The following ELMO1 variants were observed in gnomAD, a reference collection of about 807,000 sequenced individuals.
The protein encoded by ELMO1 is engulfment and cell motility 1.
In ELMO1, 26 loss-of-function variants were observed where a neutral mutation model predicts 98.9. The observed-to-expected ratio is 0.26, with a 90% CI of 0.19 to 0.36. The LOEUF is 0.36. Among genes scored for constraint, ELMO1 ranks in the 10% least tolerant of loss-of-function variants. ELMO1 has a pLI of 1.00. For missense variants in ELMO1, 627 were observed against 935.2 expected, an observed-to-expected ratio of 0.67 and a Z score of 4.30; for synonymous variants, 346 against 346.0, an observed-to-expected ratio of 1.00 and a Z score of 0.00.
chr7:37,024,680 A>C (rs886197729), intron 15 of ELMO1, among the ~76,000 whole-genome samples: 1 of 152,242 alleles, frequency 6.6e-6, no homozygotes, highest in Non-Finnish European at 1.5e-5. Context: ...ACAAAAACTC[A>C]TATCTTGTAG....
At chr7:37,062,218 A>T (rs546037719) in intron 15 of ELMO1, among the ~76,000 whole-genome samples, 1 of 152,380 alleles carries the variant, frequency 6.6e-6, no homozygotes, top group Admixed American at 6.5e-5. Flanking sequence ...GTGTATATAG[A>T]TATCTAACCT....
chr7:37,004,074 T>A (rs1466277098), intron 16 of ELMO1, among the ~76,000 whole-genome samples: 1 of 152,134 alleles, frequency 6.6e-6, no homozygotes, highest in Non-Finnish European at 1.5e-5. Context: ...ATATTTTTTT[T>A]AAATCAATGA....
chr7:37,181,380 CCT>C (rs1304794834), intron 13 of ELMO1, among the ~76,000 whole-genome samples: 1 of 151,786 alleles, frequency 6.6e-6, no homozygotes, highest in African/African-American at 2.4e-5. Context: ...CCACACCTGC[CCT>C]CTCTGTGGGC....
intron 13 of ELMO1, among the ~76,000 whole-genome samples, chr7:37,151,554 C>T (rs1788361773): frequency 6.6e-6 from 1 of 152,074 alleles, no homozygotes; most frequent in African/African-American, 2.4e-5. Context: ...ACTATCTGGC[C>T]ATTTTTGACG....
At chr7:37,170,632 CAG>C (rs1199059163) in intron 13 of ELMO1, among the ~76,000 whole-genome samples, 7 of 96,028 alleles carry the variant, frequency 7.3e-5, no homozygotes, top group African/African-American at 2.5e-4. Flanking sequence ...TTTTTTTTGT[CAG>C]AGTCTCACTC....
At chr7:37,444,423 C>T (rs1193628498) in intron 1 of ELMO1, among the ~76,000 whole-genome samples, 1 of 152,196 alleles carries the variant, frequency 6.6e-6, no homozygotes, top group African/African-American at 2.4e-5. Flanking sequence ...TGCCTTTCTG[C>T]ATCACTAAAG....
At chr7:37,096,207 T>A (rs921123314) in intron 15 of ELMO1, among the ~76,000 whole-genome samples, 2 of 152,190 alleles carry the variant, frequency 1.3e-5, no homozygotes, top group Non-Finnish European at 2.9e-5. Context: ...AGCAAGAGAA[T>A]TTCATTAAGG....
chr7:37,114,545 G>T (rs17170885), intron 14 of ELMO1, among the ~76,000 whole-genome samples: 41,848 of 151,990 alleles, frequency 0.28, 7,936 homozygotes, highest in African/African-American at 0.54. Context: ...CCATGAAACA[G>T]TTAAATAGCA....
chr7:37,000,024 C>T (rs1792532917), intron 16 of ELMO1, among the ~76,000 whole-genome samples: 1 of 152,128 alleles, frequency 6.6e-6, no homozygotes, highest in Non-Finnish European at 1.5e-5. Flanking sequence ...ATTCCCTGAC[C>T]GACCAGCATC....
chr7:36,987,305 G>C (rs1791580498), intron 16 of ELMO1, among the ~76,000 whole-genome samples: 1 of 152,058 alleles, frequency 6.6e-6, no homozygotes, highest in Admixed American at 6.6e-5. Context: ...TAGCAGCAGG[G>C]GTCGCCACTG....
At chr7:37,059,404 A>C (rs1206470053) in intron 15 of ELMO1, among the ~76,000 whole-genome samples, 1 of 152,196 alleles carries the variant, frequency 6.6e-6, no homozygotes, top group Non-Finnish European at 1.5e-5. Flanking sequence ...CTTGCTGAAA[A>C]CTAATATTAT....
intron 2 of ELMO1, among the ~76,000 whole-genome samples, chr7:37,333,975 G>A (rs1384155906): frequency 6.6e-6 from 1 of 152,194 alleles, no homozygotes; most frequent in African/African-American, 2.4e-5. Context: ...GTTACCGTGG[G>A]AGCCAAAGGT....
chr7:37,291,907 C>G (rs1218938489), intron 4 of ELMO1, among the ~76,000 whole-genome samples: 1 of 139,862 alleles, frequency 7.1e-6, no homozygotes, highest in African/African-American at 2.7e-5. Flanking sequence ...AAGAGTGAAA[C>G]TCTGCTCCCT....
chr7:37,022,278 A>G (rs892832499), intron 15 of ELMO1, among the ~76,000 whole-genome samples: 4 of 152,244 alleles, frequency 2.6e-5, no homozygotes, highest in African/African-American at 9.6e-5. Context: ...CTTGTTTGTC[A>G]AAATATACAA....
At chr7:37,378,291 C>T (rs2131377168) in intron 1 of ELMO1, among the ~76,000 whole-genome samples, 1 of 152,238 alleles carries the variant, frequency 6.6e-6, no homozygotes, top group Non-Finnish European at 1.5e-5. Context: ...GTGGCCTGTA[C>T]AAGAATCTAG....
At chr7:37,096,873 A>C in intron 14 of ELMO1, 146 bp from the exon 15 acceptor site, 1 of 742,744 alleles carries the variant, frequency 1.3e-6, no homozygotes, top group Non-Finnish European at 2.3e-6. Context: ...ATAGTACTCC[A>C]AGTATACAGG....
chr7:37,230,929 G>C (rs1794136561), intron 8 of ELMO1, among the ~76,000 whole-genome samples: 1 of 152,090 alleles, frequency 6.6e-6, no homozygotes, highest in Admixed American at 6.5e-5. Context: ...ATAACACATC[G>C]GGATGTCTTT....
intron 13 of ELMO1, among the ~76,000 whole-genome samples, chr7:37,205,450 T>C (rs6962959): frequency 9.4e-4 from 143 of 152,362 alleles, no homozygotes; most frequent in African/African-American, 3.3e-3. Flanking sequence ...CTGTAACTAC[T>C]GCCACAACAA....
At chr7:37,392,074 C>T (rs10230600) in intron 1 of ELMO1, among the ~76,000 whole-genome samples, 5,682 of 152,208 alleles carry the variant, frequency 0.037, 299 homozygotes, top group African/African-American at 0.11. Flanking sequence ...GGCTAAATTT[C>T]GAAAGGAAGT....
Sources: gnomAD v4.1 joint callset for allele counts (sites outside exome capture counted in the v4.1 genomes callset) on GRCh38, gnomAD v4.1.1 for gene constraint, MANE v1.5 for transcripts, NCBI Gene and HGNC (gene_info 2026-07-23, HGNC 2026-07-21) for gene names.